Variants in ROCK1 observed in about 807,000 individuals in gnomAD.
ROCK1 encodes the protein Rho associated coiled-coil containing protein kinase 1, also known as rho-associated protein kinase 1.
ROCK1 carries 36 observed loss-of-function variants against 196.8 expected under a neutral mutation model. The observed-to-expected ratio is 0.18, with a 90% confidence interval of 0.14 to 0.24. The LOEUF is 0.24. Among genes scored for constraint, ROCK1 ranks in the 10% least tolerant of loss-of-function variants. The pLI is 1.00. For missense variants in ROCK1, 920 were observed against 1,562.0 expected (o/e 0.59, Z 6.93); for synonymous variants, 443 against 515.9 (o/e 0.86, Z 1.91).
intron 1 of ROCK1, among the ~76,000 whole-genome samples, chr18:21,102,865 CAA>C (rs10718814): frequency 5.6e-5 from 7 of 123,994 alleles, no homozygotes; most frequent in Non-Finnish European, 5.2e-5. Flanking sequence ...GACCCTGTCT[CAA>C]AAAAAAAAAA....
At chr18:20,985,568 C>G (rs1370684063) in intron 19 of ROCK1, among the ~76,000 whole-genome samples, 2 of 152,164 alleles carry the variant, frequency 1.3e-5, no homozygotes, top group Non-Finnish European at 2.9e-5. Context: ...CTTGTAGTTA[C>G]TATTTTAATA....
In ROCK1 at chr18:20,984,191, C is replaced by T. The variant is rs58946368; in HGVS notation, c.2489+160G>A. 9.4e-3 allele frequency among the ~76,000 whole-genome samples: 1,427 copies of T among 152,250 alleles called. 17 individuals are homozygous for T. Among genetic ancestry groups the T allele is most frequent in the African/African-American group, 0.033 (1,370 of 41,562 alleles). On this transcript the variant is annotated intron_variant, in intron 20 of 32. Transcript: ENST00000399799. ...TGGTCTTTCCAAAGCCTGAACTCCC[C>T]TGAAAACCTTTGCAAGTAAATTCTT...
intron 2 of ROCK1, among the ~76,000 whole-genome samples, chr18:21,050,988 G>T (rs1009742342): frequency 6.6e-6 from 1 of 152,090 alleles, no homozygotes; most frequent in Non-Finnish European, 1.5e-5. Flanking sequence ...ATGAAAAAAA[G>T]AATTCAAAAA....
rs2035146616 is a variant in ROCK1, at chr18:20,948,048, T to A, written c.*3336A>T. ...TCACTTGAACCTGGGAGGCGGAGGT[T>A]GCAGTGAGCCGAGATCGCGCCACTG... On this transcript the variant is annotated 3_prime_UTR_variant, in exon 33 of 33. Coordinates refer to ENST00000399799, the MANE Select transcript of ROCK1 (RefSeq NM_005406.3). The A allele has an allele frequency of 6.6e-6, 1 of 152,136 alleles. No individual in the cohort carries two copies. Among genetic ancestry groups the A allele is most frequent in the South Asian group, 2.1e-4 (1 of 4,830 alleles). The allele number at this position is 152,136 out of a possible 1,614,324, so 9.4% of individuals were successfully genotyped here. A position where few individuals can be genotyped will look rare whatever the true frequency, so the allele number is the denominator to read the frequency against.
chr18:21,030,110 T>C (rs1242250999), intron 9 of ROCK1, among the ~76,000 whole-genome samples: 2 of 152,192 alleles, frequency 1.3e-5, no homozygotes, highest in African/African-American at 4.8e-5. Context: ...TTTCCACCAT[T>C]CCACTTTCCT....
At chr18:21,022,573 A>G (rs1304467137) in intron 11 of ROCK1, among the ~76,000 whole-genome samples, 1 of 152,140 alleles carries the variant, frequency 6.6e-6, no homozygotes, top group Non-Finnish European at 1.5e-5. Flanking sequence ...ATCTGAAGGT[A>G]AAAGAAAGAA....
chr18:20,967,213 G>C, intron 26 of ROCK1, 137 bp from the exon 27 acceptor site: 1 of 602,092 alleles, frequency 1.7e-6, no homozygotes, highest in South Asian at 2.3e-5. Flanking sequence ...CACAGATTTT[G>C]ATACACTACA....
At chr18:21,027,748 T>G (rs906506627) in intron 10 of ROCK1, among the ~76,000 whole-genome samples, 4 of 144,492 alleles carry the variant, frequency 2.8e-5, no homozygotes, top group African/African-American at 1.1e-4. Context: ...AGGAATCACT[T>G]AATTTTTTTT....
At chr18:21,006,665 T>G (rs2035771924) in intron 15 of ROCK1, 34 bp downstream of exon 15, 1 of 1,582,292 alleles carries the variant, frequency 6.3e-7, no homozygotes, top group African/African-American at 1.4e-5. Context: ...TATCTACAAT[T>G]TTTTTAAAAA....
At chr18:21,053,364 A>AT (rs2036220353) in intron 2 of ROCK1, among the ~76,000 whole-genome samples, 1 of 151,130 alleles carries the variant, frequency 6.6e-6, no homozygotes, top group Admixed American at 6.6e-5. Flanking sequence ...TAAATTTTCT[A>AT]TTTTTTCTCA....
At chr18:21,003,244 T>C (rs2035741397) in intron 16 of ROCK1, among the ~76,000 whole-genome samples, 1 of 152,074 alleles carries the variant, frequency 6.6e-6, no homozygotes, top group Non-Finnish European at 1.5e-5. Flanking sequence ...AAAAACATGG[T>C]TTCTTTAACC....
At chr18:20,972,082 G>A (rs2035434709) in intron 22 of ROCK1, among the ~76,000 whole-genome samples, 2 of 152,154 alleles carry the variant, frequency 1.3e-5, no homozygotes, top group Non-Finnish European at 2.9e-5. Flanking sequence ...CCAGTTAGGA[G>A]ACTACTGAAA....
chr18:21,028,523 G>C (rs2035980463), intron 10 of ROCK1, among the ~76,000 whole-genome samples: 1 of 151,976 alleles, frequency 6.6e-6, no homozygotes, highest in South Asian at 2.1e-4. Flanking sequence ...GGCATTTTTT[G>C]ACCTATTAAT....
intron 16 of ROCK1, among the ~76,000 whole-genome samples, chr18:21,005,667 A>C (rs1428272071): frequency 6.6e-6 from 1 of 152,204 alleles, no homozygotes; most frequent in Non-Finnish European, 1.5e-5. Context: ...GCTTGAGCTC[A>C]GGAGTTTGAG....
intron 2 of ROCK1, among the ~76,000 whole-genome samples, chr18:21,058,330 G>GT (rs2036261368): frequency 2.6e-5 from 4 of 151,662 alleles, no homozygotes; most frequent in Admixed American, 2.6e-4. Context: ...ATTATAAAAC[G>GT]TACCATTACT....
intron 16 of ROCK1, among the ~76,000 whole-genome samples, chr18:21,000,881 A>G (rs1462603792): frequency 6.6e-6 from 1 of 152,224 alleles, no homozygotes; most frequent in Non-Finnish European, 1.5e-5. Context: ...TAGAATTACA[A>G]GATGACTCAG....
chr18:20,983,152 A>C (rs1598517139), intron 20 of ROCK1, among the ~76,000 whole-genome samples: 4 of 151,788 alleles, frequency 2.6e-5, no homozygotes, highest in East Asian at 3.9e-4. Context: ...AAATTTTTAC[A>C]GAGAAAAGCA....
intron 1 of ROCK1, among the ~76,000 whole-genome samples, chr18:21,098,652 C>A (rs1262150724): frequency 2.1e-5 from 3 of 143,504 alleles, no homozygotes; most frequent in Non-Finnish European, 4.5e-5. Context: ...AAAAAAAAAT[C>A]TGCATTTTAC....
chr18:20,980,885 C>CA (rs921245563), intron 21 of ROCK1, among the ~76,000 whole-genome samples: 72 of 142,782 alleles, frequency 5.0e-4, no homozygotes, highest in Non-Finnish European at 7.2e-4. Context: ...CACTACTCTC[C>CA]AGCCTGGGCG....
Sources: gnomAD v4.1 joint callset for allele counts (sites outside exome capture counted in the v4.1 genomes callset) on GRCh38, gnomAD v4.1.1 for gene constraint, MANE v1.5 for transcripts, NCBI Gene and HGNC (gene_info 2026-07-23, HGNC 2026-07-21) for gene names.